The following SHROOM3 variants were observed in gnomAD, a reference collection of about 807,000 sequenced individuals.
SHROOM3 encodes the protein shroom family member 3, also known as protein Shroom3.
SHROOM3 carries 47 observed loss-of-function variants against 138.6 expected under a neutral mutation model. That is an observed-to-expected ratio of 0.34 (90% CI 0.27 to 0.43). The LOEUF (loss-of-function observed/expected upper bound fraction) is 0.43, where lower values mean the gene tolerates loss of function less well. Ranked by LOEUF, SHROOM3 falls within the 20% of genes least tolerant of loss-of-function variation. The pLI, the probability that SHROOM3 is intolerant of heterozygous loss-of-function variation, is 1.00. For synonymous variants in SHROOM3, 1,062 were observed against 1,063.3 expected, an observed-to-expected ratio of 1.00 and a Z score of 0.02; for missense variants, 2,491 against 2,596.5, an observed-to-expected ratio of 0.96 and a Z score of 0.88.
intron 1 of SHROOM3, among the ~76,000 whole-genome samples, chr4:76,531,322 TACA>T (rs957261506): frequency 1.3e-5 from 2 of 152,162 alleles, no homozygotes; most frequent in African/African-American, 2.4e-5. Flanking sequence ...GTGAGAATTT[TACA>T]ACATTACACA....
At chr4:76,683,305 C>T (rs1450883905) in intron 2 of SHROOM3, among the ~76,000 whole-genome samples, 1 of 152,042 alleles carries the variant, frequency 6.6e-6, no homozygotes. Context: ...TTTCTCTGCC[C>T]CACCTTTCCC....
intron 3 of SHROOM3, among the ~76,000 whole-genome samples, chr4:76,713,504 G>A (rs1050930718): frequency 6.6e-6 from 1 of 152,160 alleles, no homozygotes; most frequent in Non-Finnish European, 1.5e-5. Context: ...GGATAACACT[G>A]CCTTATTCAG....
At chr4:76,764,093 A>T (rs1722072126) in intron 9 of SHROOM3, among the ~76,000 whole-genome samples, 1 of 152,206 alleles carries the variant, frequency 6.6e-6, no homozygotes, top group Non-Finnish European at 1.5e-5. Context: ...TTTACTAATA[A>T]CTATTTTATA....
chr4:76,469,080 TA>T (rs894810331), intron 1 of SHROOM3, among the ~76,000 whole-genome samples: 60 of 151,054 alleles, frequency 4.0e-4, no homozygotes, highest in African/African-American at 1.5e-3. Flanking sequence ...TGTACACTTG[TA>T]ATTCCAGCTA....
chr4:76,703,257 A>G (rs1173432968), intron 2 of SHROOM3, among the ~76,000 whole-genome samples: 1 of 152,198 alleles, frequency 6.6e-6, no homozygotes, highest in East Asian at 1.9e-4. Flanking sequence ...AACACTAGAT[A>G]GGATACAGGC....
intron 2 of SHROOM3, among the ~76,000 whole-genome samples, chr4:76,631,676 C>T (rs2110073401): frequency 6.6e-6 from 1 of 152,312 alleles, no homozygotes; most frequent in Non-Finnish European, 1.5e-5. Context: ...GGGACCACAT[C>T]ACGTAGGGCC....
chr4:76,739,231 G>A lies in SHROOM3; in HGVS notation c.1058G>A (p.Gly353Asp), dbSNP rs776679144. Residue 353 changes from glycine (G) to aspartate (D), a missense_variant, in exon 5 of 11, where the codon GGC (glycine) becomes GAC (aspartate). Around this residue, in one of 4 missense-constraint regions of SHROOM3, gnomAD observed 1,733 missense variants for 1,661.6 expected, o/e 1.04. Transcript: ENST00000296043. Reference protein sequence around the residue: ...GYDKWSNIPRGKGVPPPSWSQ... With the variant: ...GYDKWSNIPRDKGVPPPSWSQ... ...GATAAATGGTCTAATATTCCTCGGG[G>A]CAAGGGAGTGCCACCCCCATCCTGG... 8 of 1,613,990 alleles carry A rather than the reference G, an allele frequency of 5.0e-6. No homozygotes were observed. The highest frequency in any genetic ancestry group is 3.3e-4 in the Middle Eastern group (2 of 6,084).
At chr4:76,778,024 T>C (rs1722624786) in intron 10 of SHROOM3, among the ~76,000 whole-genome samples, 1 of 152,146 alleles carries the variant, frequency 6.6e-6, no homozygotes, top group Admixed American at 6.5e-5. Flanking sequence ...TCTCAAACTT[T>C]AGCCGCAAAA....
chr4:76,631,443 C>T (rs1003742565), intron 2 of SHROOM3, among the ~76,000 whole-genome samples: 9 of 151,946 alleles, frequency 5.9e-5, no homozygotes, highest in Non-Finnish European at 1.2e-4. Flanking sequence ...GAACTCCCAA[C>T]CTCAGGTGAT....
chr4:76,588,627 C>G (rs931378096), intron 2 of SHROOM3, among the ~76,000 whole-genome samples: 1 of 152,132 alleles, frequency 6.6e-6, no homozygotes, highest in Non-Finnish European at 1.5e-5. Flanking sequence ...CCAGCCTTGG[C>G]CCCTGACTTT....
intron 2 of SHROOM3, among the ~76,000 whole-genome samples, chr4:76,633,491 T>C (rs7698032): frequency 0.42 from 63,313 of 150,794 alleles, 13,531 homozygotes; most frequent in East Asian, 0.56. Flanking sequence ...CCCGTCTCTA[T>C]TAAAAATACA....
rs117346354 is a variant in SHROOM3, at chr4:76,438,698, C to T, written c.168+2478C>T. 1.1e-3 allele frequency among the ~76,000 whole-genome samples: 165 copies of T among 152,058 alleles called. 2 individuals are homozygous for T. In the East Asian group the frequency reaches 0.027, roughly 25 times the overall value. ...TACATTGAATCATAAAATTTTATTT[C>T]GTTGATTGCCTTCTCAGAAGTCTGT... On this transcript the variant is annotated intron_variant, in intron 1 of 10. Coordinates refer to ENST00000296043, the MANE Select transcript of SHROOM3 (RefSeq NM_020859.4).
Position 76,779,384 on chromosome 4 carries a change from C to T in SHROOM3, c.*207C>T, listed in dbSNP as rs146698323. 14 of 582,008 alleles carry T rather than the reference C, an allele frequency of 2.4e-5. No homozygotes were observed. Among genetic ancestry groups the T allele is most frequent in the African/African-American group, 5.6e-5 (3 of 53,444 alleles). The allele number at this position is 582,008 out of a possible 1,614,324, so 36.1% of individuals were successfully genotyped here. On this transcript the variant is annotated 3_prime_UTR_variant, in exon 11 of 11. Coordinates refer to ENST00000296043, the MANE Select transcript of SHROOM3 (RefSeq NM_020859.4). ...CTGAGAGCTCGAATGCTGCTGGACA[C>T]GTACCCCTTTCTATTATTACTTTGT...
chr4:76,743,747 A>C (rs1721340393), intron 5 of SHROOM3, among the ~76,000 whole-genome samples: 1 of 152,224 alleles, frequency 6.6e-6, no homozygotes, highest in African/African-American at 2.4e-5. Flanking sequence ...CCCAGTATAA[A>C]TCCCCGACAA....
At chr4:76,539,003 GC>G (rs1480771838) in intron 1 of SHROOM3, among the ~76,000 whole-genome samples, 1 of 152,158 alleles carries the variant, frequency 6.6e-6, no homozygotes, top group Admixed American at 6.5e-5. Context: ...GTAGGGAGCT[GC>G]CTGTTTTAGA....
chr4:76,749,278 C>T (rs1038099309), intron 6 of SHROOM3, among the ~76,000 whole-genome samples, 188 bp downstream of exon 6: 1 of 152,024 alleles, frequency 6.6e-6, no homozygotes, highest in Non-Finnish European at 1.5e-5. Flanking sequence ...GGTACATGTG[C>T]ACAACGTGCA....
At chr4:76,774,670 G>A (rs891208474) in intron 10 of SHROOM3, among the ~76,000 whole-genome samples, 1 of 149,316 alleles carries the variant, frequency 6.7e-6, no homozygotes, top group South Asian at 2.1e-4. Flanking sequence ...ACTTTGAAAG[G>A]CATCCTCATT....
intron 2 of SHROOM3, among the ~76,000 whole-genome samples, chr4:76,589,349 C>T (rs1281519070): frequency 6.6e-6 from 1 of 152,112 alleles, no homozygotes; most frequent in African/African-American, 2.4e-5. Context: ...TGCCTGTAAT[C>T]CCAGCTAATC....
chr4:76,727,887 C>CAA (rs71212446), intron 3 of SHROOM3, among the ~76,000 whole-genome samples: 1 of 96,252 alleles, frequency 1.0e-5, no homozygotes, highest in Non-Finnish European at 2.2e-5. Context: ...GACTCCATCT[C>CAA]AAAAAAAAAG....
Sources: gnomAD v4.1 joint callset for allele counts (sites outside exome capture counted in the v4.1 genomes callset) on GRCh38, gnomAD v4.1.1 for gene constraint, gnomAD v4.1.1 regional missense constraint, MANE v1.5 for transcripts, NCBI Gene and HGNC (gene_info 2026-07-23, HGNC 2026-07-21) for gene names.